ELAPOR1: variants seen among roughly 807,000 people sequenced by gnomAD.
ELAPOR1 encodes endosome-lysosome associated apoptosis and autophagy regulator 1, also known as endosome/lysosome-associated apoptosis and autophagy regulator 1.
ELAPOR1 carries 77 observed loss-of-function variants against 119.7 expected under a neutral mutation model. The ratio of observed to expected loss-of-function variants is 0.64; its 90% confidence interval spans 0.54 to 0.78. The LOEUF is 0.78. Among genes scored for constraint, ELAPOR1 ranks in the 30% least tolerant of loss-of-function variants. The probability of loss-of-function intolerance (pLI) is 0.00; values close to 1 mark genes in which losing one functional copy is unlikely to be tolerated. For synonymous variants in ELAPOR1, 481 were observed against 487.2 expected (o/e 0.99, Z 0.17); for missense variants, 1,115 against 1,270.4 (o/e 0.88, Z 1.86).
intron 1 of ELAPOR1, among the ~76,000 whole-genome samples, chr1:109,115,821 C>T (rs1213091276): frequency 6.6e-6 from 1 of 152,136 alleles, no homozygotes; most frequent in African/African-American, 2.4e-5. Flanking sequence ...GACAACCTGC[C>T]CTGGGCCATC....
At chr1:109,144,664 C>T (rs1650070097) in intron 1 of ELAPOR1, among the ~76,000 whole-genome samples, 1 of 152,168 alleles carries the variant, frequency 6.6e-6, no homozygotes, top group East Asian at 2.0e-4. Flanking sequence ...ATCTCTTGAA[C>T]CTGGGAGACG....
intron 1 of ELAPOR1, among the ~76,000 whole-genome samples, chr1:109,126,044 G>GA (rs1648756765): frequency 1.3e-5 from 2 of 152,270 alleles, no homozygotes; most frequent in Admixed American, 6.5e-5. Context: ...CATTTGGCTT[G>GA]AAAAGCCAAG....
intron 3 of ELAPOR1, among the ~76,000 whole-genome samples, chr1:109,166,876 G>A (rs1235693190): frequency 6.6e-6 from 1 of 152,180 alleles, no homozygotes; most frequent in African/African-American, 2.4e-5. Context: ...TGGATAAGAA[G>A]GACTCAAGAA....
chr1:109,191,243 C>T (rs1386776462), intron 11 of ELAPOR1, 123 bp from the exon 12 acceptor site: 1 of 643,212 alleles, frequency 1.6e-6, no homozygotes, highest in South Asian at 1.9e-5. Flanking sequence ...GGATTTAGTC[C>T]ACACGCTTTC....
intron 1 of ELAPOR1, among the ~76,000 whole-genome samples, chr1:109,138,635 A>C (rs1649632159): frequency 6.8e-6 from 1 of 146,874 alleles, no homozygotes; most frequent in South Asian, 2.2e-4. Context: ...ATGAAGGAAC[A>C]CTTTCTCCCC....
chr1:109,173,785 T>C lies in ELAPOR1; in HGVS notation c.900T>C (p.Tyr300=), dbSNP rs1020801174. 8 of 1,614,072 alleles carry C rather than the reference T, an allele frequency of 5.0e-6. No homozygotes were observed. The Admixed American group carries it at 6.7e-5, about 13-fold the overall frequency. Reference sequence around the variant, plus strand: ...GCAAACTTTGCCCAGCCAACTCTTATTCAAATAAAGGAGAAACTTCTTGCC... The same window carrying C: ...GCAAACTTTGCCCAGCCAACTCTTACTCAAATAAAGGAGAAACTTCTTGCC... ...SFCKLCPANS[Y]SNKGETSCHQ... Residue 300 remains tyrosine, a synonymous_variant, in exon 7 of 22, where the codon TAT becomes TAC. Coordinates refer to ENST00000369939, the MANE Select transcript of ELAPOR1 (RefSeq NM_020775.5).
chr1:109,183,615 T>C lies in ELAPOR1; in HGVS notation c.953-1430T>C. Among the ~76,000 whole-genome samples the C allele has an allele frequency of 1.5e-5, 2 of 131,158 alleles. 1 individual carries two copies. The highest frequency in any genetic ancestry group is 5.7e-5 in the African/African-American group (2 of 35,266). The allele number at this position is 131,158 out of a possible 152,430, so 86.0% of individuals were successfully genotyped here. ...TTCCTTCCTTCCTTCCTTCCATCCTTCCCTCCTTCCTTCCTTCCTTCCTAA... is the reference window on the plus strand; with the variant it reads ...TTCCTTCCTTCCTTCCTTCCATCCTCCCCTCCTTCCTTCCTTCCTTCCTAA... On this transcript the variant is annotated intron_variant, in intron 7 of 21. Coordinates refer to ENST00000369939, the MANE Select transcript of ELAPOR1 (RefSeq NM_020775.5).
intron 7 of ELAPOR1, among the ~76,000 whole-genome samples, chr1:109,175,174 T>A (rs1205664488): frequency 6.6e-6 from 1 of 151,784 alleles, no homozygotes; most frequent in African/African-American, 2.4e-5. Flanking sequence ...TCATTTTTTT[T>A]AAGTGGTGAA....
rs6691179 is a variant in ELAPOR1 at position 109,128,872 on chromosome 1, G to A, written c.153+14536G>A. ...CTCATTTTCTGTTGCCCAAGACCAA[G>A]GATATTATCTCCATAGAGTGCCATT... On this transcript the variant is annotated intron_variant, in intron 1 of 21. Transcript: ENST00000369939. Among the ~76,000 whole-genome samples, 1,367 of 152,202 alleles carry A rather than the reference G, an allele frequency of 9.0e-3. 23 individuals are homozygous for A. The highest frequency in any genetic ancestry group is 0.031 in the African/African-American group (1,278 of 41,526).
At chr1:109,138,016 T>G (rs1384226012) in intron 1 of ELAPOR1, among the ~76,000 whole-genome samples, 1 of 152,198 alleles carries the variant, frequency 6.6e-6, no homozygotes, top group African/African-American at 2.4e-5. Context: ...TATGGGACAG[T>G]GAAAGGACTT....
Position 109,145,919 on chromosome 1 carries a change from T to A in ELAPOR1, c.154-15975T>A, listed in dbSNP as rs1558030666. Among the ~76,000 whole-genome samples, 5 of 152,260 alleles carry A rather than the reference T, an allele frequency of 3.3e-5. No individual in the cohort carries two copies. In the South Asian group the frequency reaches 6.2e-4, roughly 19 times the overall value. On this transcript the variant is annotated intron_variant, in intron 1 of 21. Coordinates refer to ENST00000369939, the MANE Select transcript of ELAPOR1 (RefSeq NM_020775.5). ...TAGAATAGAATGAGATGGTCCAACTTACATCTAGTGGGATTTCTGAAGAGA... is the reference window on the plus strand; with the variant it reads ...TAGAATAGAATGAGATGGTCCAACTAACATCTAGTGGGATTTCTGAAGAGA...
chr1:109,180,468 T>C (rs651343), intron 7 of ELAPOR1, among the ~76,000 whole-genome samples: 66,835 of 151,564 alleles, frequency 0.44, 17,551 homozygotes, highest in Non-Finnish European at 0.57. Context: ...ATTGCTCCAT[T>C]GCACTCCGGC....
chr1:109,196,088 G>A (rs933743521), intron 15 of ELAPOR1, among the ~76,000 whole-genome samples: 10 of 152,076 alleles, frequency 6.6e-5, no homozygotes, highest in African/African-American at 9.7e-5. Flanking sequence ...CCCAGGGGGC[G>A]GAGATTGCAG....
At chr1:109,177,133 A>C (rs1353067323) in intron 7 of ELAPOR1, among the ~76,000 whole-genome samples, 2 of 143,370 alleles carry the variant, frequency 1.4e-5, no homozygotes, top group Non-Finnish European at 3.0e-5. Flanking sequence ...CACCTCCCAG[A>C]CAGGGTGGTG....
chr1:109,119,965 G>A (rs1206519317), intron 1 of ELAPOR1, among the ~76,000 whole-genome samples: 5 of 152,134 alleles, frequency 3.3e-5, no homozygotes, highest in Non-Finnish European at 5.9e-5. Flanking sequence ...ATTCTATTAA[G>A]GACCTTAGTC....
chr1:109,192,991 A>C, intron 14 of ELAPOR1, 117 bp downstream of exon 14: 1 of 1,179,806 alleles, frequency 8.5e-7, no homozygotes, highest in Admixed American at 2.5e-5. Flanking sequence ...CCCCTAGCAT[A>C]CTCCTAGGTT....
intron 8 of ELAPOR1, chr1:109,186,427 AT>A (rs1174908639): frequency 1.5e-5 from 14 of 906,474 alleles, no homozygotes; most frequent in Admixed American, 6.2e-5. Flanking sequence ...GAGCATAAAC[AT>A]TTGCTGGCTG....
At chr1:109,145,751 A>G (rs1315456738) in intron 1 of ELAPOR1, among the ~76,000 whole-genome samples, 4 of 152,196 alleles carry the variant, frequency 2.6e-5, no homozygotes, top group Non-Finnish European at 4.4e-5. Context: ...GACTATGAAG[A>G]AAACATTACT....
intron 1 of ELAPOR1, among the ~76,000 whole-genome samples, chr1:109,126,658 A>ATGGAGTTTT (rs1288555142): frequency 6.6e-6 from 1 of 152,074 alleles, no homozygotes. Context: ...TTTAGTAGAG[A>ATGGAGTTTT]TGGAGTTTTT....
Sources: allele counts gnomAD v4.1 joint callset (sites outside exome capture counted in the v4.1 genomes callset), GRCh38; gene constraint gnomAD v4.1.1; transcripts MANE v1.5; gene names NCBI Gene and HGNC (gene_info 2026-07-23, HGNC 2026-07-21).